The following MAGI2 variants were observed in gnomAD, a reference collection of about 807,000 sequenced individuals.
MAGI2 encodes the protein membrane-associated guanylate kinase, WW and PDZ domain-containing protein 2.
A neutral mutation model predicts 133.3 loss-of-function variants in MAGI2; 35 were observed. The ratio of observed to expected loss-of-function variants is 0.26; its 90% confidence interval spans 0.20 to 0.35. The LOEUF (loss-of-function observed/expected upper bound fraction) is 0.35, where lower values mean the gene tolerates loss of function less well. Among genes scored for constraint, MAGI2 ranks in the 10% least tolerant of loss-of-function variants. The pLI, the probability that MAGI2 is intolerant of heterozygous loss-of-function variation, is 1.00. For synonymous variants in MAGI2, 729 were observed against 710.6 expected (o/e 1.03, Z -0.41); for missense variants, 1,636 against 1,863.4 (o/e 0.88, Z 2.25).
At chr7:78,171,827 C>A (rs1826135242) in intron 14 of MAGI2, among the ~76,000 whole-genome samples, 1 of 152,214 alleles carries the variant, frequency 6.6e-6, no homozygotes, top group Non-Finnish European at 1.5e-5. Context: ...TCAGCCTCAG[C>A]TGACCCTTCA....
At chr7:79,216,173 T>C (rs1280653874) in intron 1 of MAGI2, among the ~76,000 whole-genome samples, 1 of 151,836 alleles carries the variant, frequency 6.6e-6, no homozygotes, top group Non-Finnish European at 1.5e-5. Context: ...AGAGAAGAGA[T>C]GGAATGTCTG....
At chr7:78,648,952 T>C (rs1811202287) in intron 2 of MAGI2, among the ~76,000 whole-genome samples, 1 of 152,046 alleles carries the variant, frequency 6.6e-6, no homozygotes, top group Admixed American at 6.6e-5. Flanking sequence ...TCACCCTGGG[T>C]GACCAGTCTC....
At chr7:78,106,767 TCAGGTAG>T (rs1818734477) in intron 20 of MAGI2, among the ~76,000 whole-genome samples, 1 of 152,196 alleles carries the variant, frequency 6.6e-6, no homozygotes, top group Non-Finnish European at 1.5e-5. Flanking sequence ...TAATCCCTTG[TCAGGTAG>T]ACAGTTTGTA....
intron 2 of MAGI2, among the ~76,000 whole-genome samples, chr7:78,699,519 T>G (rs1817852979): frequency 6.6e-6 from 1 of 152,184 alleles, no homozygotes. Context: ...GTTCCATCCT[T>G]AAGACATCGC....
intron 21 of MAGI2, among the ~76,000 whole-genome samples, chr7:78,053,905 G>A (rs1305408959): frequency 6.6e-6 from 1 of 152,152 alleles, no homozygotes; most frequent in East Asian, 1.9e-4. Context: ...CCAGCTTGCT[G>A]TGAGGTATTA....
chr7:79,067,679 T>C (rs1400811770), intron 1 of MAGI2, among the ~76,000 whole-genome samples: 1 of 152,238 alleles, frequency 6.6e-6, no homozygotes, highest in Non-Finnish European at 1.5e-5. Context: ...CCTTGTCTTG[T>C]ACCAGTTTTC....
At chr7:78,857,596 A>G (rs1452725939) in intron 2 of MAGI2, among the ~76,000 whole-genome samples, 2 of 152,214 alleles carry the variant, frequency 1.3e-5, no homozygotes, top group African/African-American at 4.8e-5. Context: ...CATCCCAGGG[A>G]TGAAGCCCAC....
At chr7:78,532,676 A>G (rs1797566404) in intron 3 of MAGI2, among the ~76,000 whole-genome samples, 1 of 152,366 alleles carries the variant, frequency 6.6e-6, no homozygotes, top group African/African-American at 2.4e-5. Flanking sequence ...TACGTGTTAG[A>G]GTATGGTTAA....
chr7:78,424,108 T>C (rs1313765559), intron 6 of MAGI2, among the ~76,000 whole-genome samples: 1 of 152,076 alleles, frequency 6.6e-6, no homozygotes, highest in Admixed American at 6.6e-5. Context: ...TCTGGAGGCC[T>C]AGGAGAAAAT....
intron 1 of MAGI2, among the ~76,000 whole-genome samples, chr7:79,123,526 C>T (rs937137086): frequency 6.6e-6 from 1 of 152,056 alleles, no homozygotes; most frequent in Non-Finnish European, 1.5e-5. Context: ...TTCCTCATGC[C>T]TGTAATCCCA....
intron 1 of MAGI2, among the ~76,000 whole-genome samples, chr7:79,449,883 T>TATATAG (rs1849119152): frequency 9.9e-6 from 1 of 101,442 alleles, no homozygotes; most frequent in Admixed American, 1.0e-4. Flanking sequence ...TATACATATA[T>TATATAG]ATATATATAT....
At chr7:78,915,701 T>C (rs1798741649) in intron 2 of MAGI2, among the ~76,000 whole-genome samples, 1 of 152,044 alleles carries the variant, frequency 6.6e-6, no homozygotes, top group Non-Finnish European at 1.5e-5. Context: ...GTTTTATCTC[T>C]TCATGGTTTC....
intron 20 of MAGI2, among the ~76,000 whole-genome samples, chr7:78,113,636 A>C (rs1819577581): frequency 1.3e-5 from 2 of 152,310 alleles, no homozygotes; most frequent in African/African-American, 4.8e-5. Context: ...GTTGGTGGGT[A>C]GGAGCTGTAA....
chr7:79,114,297 AG>A (rs2129544122), intron 1 of MAGI2, among the ~76,000 whole-genome samples: 2 of 152,242 alleles, frequency 1.3e-5, no homozygotes, highest in South Asian at 4.1e-4. Context: ...ATTGTCTTGC[AG>A]GTTGATCTCT....
intron 9 of MAGI2, among the ~76,000 whole-genome samples, chr7:78,302,815 T>C (rs534993461): frequency 1.3e-5 from 2 of 152,336 alleles, no homozygotes; most frequent in East Asian, 3.9e-4. Context: ...TCTTCCCCAA[T>C]TCAGCTGATG....
At chr7:79,359,440 C>G (rs1028885187) in intron 1 of MAGI2, among the ~76,000 whole-genome samples, 9 of 151,792 alleles carry the variant, frequency 5.9e-5, no homozygotes, top group African/African-American at 1.9e-4. Context: ...AAAAATAATG[C>G]CTGAAAATTC....
intron 3 of MAGI2, among the ~76,000 whole-genome samples, chr7:78,584,961 C>T (rs528353882): frequency 6.6e-6 from 1 of 152,214 alleles, no homozygotes; most frequent in South Asian, 2.1e-4. Flanking sequence ...AGTAGGATAT[C>T]CAGGTGAGGC....
At chr7:78,788,752 C>A (rs1387287824) in intron 2 of MAGI2, among the ~76,000 whole-genome samples, 1 of 152,148 alleles carries the variant, frequency 6.6e-6, no homozygotes, top group Non-Finnish European at 1.5e-5. Context: ...CTAATAACTC[C>A]GTTTAAGTCC....
intron 3 of MAGI2, among the ~76,000 whole-genome samples, chr7:78,569,263 A>G (rs1353824253): frequency 2.6e-5 from 4 of 152,202 alleles, no homozygotes; most frequent in Non-Finnish European, 5.9e-5. Context: ...CATAAAATAC[A>G]AGCTTTATGA....
Sources: allele counts gnomAD v4.1 joint callset (sites outside exome capture counted in the v4.1 genomes callset), GRCh38; gene constraint gnomAD v4.1.1; transcripts MANE v1.5; gene names NCBI Gene and HGNC (gene_info 2026-07-23, HGNC 2026-07-21).